Variants in IFT46 observed in about 807,000 individuals in gnomAD.
IFT46 encodes the protein intraflagellar transport 46, also known as intraflagellar transport protein 46 homolog.
A neutral mutation model predicts 39.6 loss-of-function variants in IFT46; 19 were observed. The observed-to-expected ratio is 0.48, with a 90% CI of 0.33 to 0.70. IFT46 has a LOEUF of 0.70. Among genes scored for constraint, IFT46 ranks in the 30% least tolerant of loss-of-function variants. IFT46 has a pLI of 0.01. For missense variants in IFT46, 334 were observed against 364.8 expected, an observed-to-expected ratio of 0.92 and a Z score of 0.69; for synonymous variants, 117 against 134.8, an observed-to-expected ratio of 0.87 and a Z score of 0.91.
chr11:118,572,256 T>C (rs1938353521), intron 1 of IFT46: 1 of 431,578 alleles, frequency 2.3e-6, no homozygotes, highest in Non-Finnish European at 4.1e-6. Flanking sequence ...AGATACGAGG[T>C]TCCACAGCTG....
intron 3 of IFT46, chr11:118,557,945 T>C: frequency 6.8e-7 from 1 of 1,464,108 alleles, no homozygotes; most frequent in Non-Finnish European, 9.2e-7. Flanking sequence ...ACTTGGTTTC[T>C]ATATACCGTA....
chr11:118,550,526 G>A (rs1555068141), intron 9 of IFT46, among the ~76,000 whole-genome samples: 1 of 150,660 alleles, frequency 6.6e-6, no homozygotes, highest in Non-Finnish European at 1.5e-5. Flanking sequence ...TCCTTATGCT[G>A]CCCACGCTGG....
intron 1 of IFT46, chr11:118,572,586 C>G (rs782311943): frequency 6.3e-7 from 1 of 1,597,268 alleles, no homozygotes. Context: ...TCCTGGGGTC[C>G]GAGCCTCACC....
upstream of IFT46, among the ~76,000 whole-genome samples, chr11:118,566,276 C>G (rs1938223720): frequency 6.6e-6 from 1 of 152,176 alleles, no homozygotes; most frequent in South Asian, 2.1e-4. Flanking sequence ...GGGGAAATTT[C>G]GCAGCACTCT....
At chr11:118,555,108 T>C in intron 5 of IFT46, 25 bp from the exon 6 acceptor site, 2 of 1,583,714 alleles carry the variant, frequency 1.3e-6, no homozygotes, top group Non-Finnish European at 1.7e-6. Flanking sequence ...CAAGGGAAGG[T>C]GGAGACAGTC....
chr11:118,560,629 CT>C (rs1938019839), intron 2 of IFT46: 1 of 470,106 alleles, frequency 2.1e-6, no homozygotes, highest in Non-Finnish European at 3.9e-6. Context: ...TTTTCACCCC[CT>C]AGCACTGCTG....
chr11:118,545,362 T>C lies in IFT46; in HGVS notation c.819+47A>G, dbSNP rs372115924. 47 of 1,347,512 alleles carry C rather than the reference T, an allele frequency of 3.5e-5. 1 individual carries two copies. Among genetic ancestry groups the C allele is most frequent in the South Asian group, 1.7e-4 (14 of 84,836 alleles). 83.5% of individuals were successfully genotyped at this position (1,347,512 alleles called of 1,614,324 possible). ...AGCAGGCTCAGAACAGTAGAAACTA[T>C]AGTGATCCTCTCTACAGCTTAAGTC... On this transcript the variant is annotated intron_variant, in intron 11 of 11. Transcript: ENST00000264021.
At chr11:118,554,793 C>T (rs1157588358) in intron 6 of IFT46, among the ~76,000 whole-genome samples, 197 bp downstream of exon 6, 1 of 152,032 alleles carries the variant, frequency 6.6e-6, no homozygotes, top group Non-Finnish European at 1.5e-5. Context: ...ACATGACAAA[C>T]TGTTAATGTG....
At chr11:118,550,531 C>T (rs190120197) in intron 9 of IFT46, among the ~76,000 whole-genome samples, 67 of 151,954 alleles carry the variant, frequency 4.4e-4, no homozygotes, top group Admixed American at 9.8e-4. Flanking sequence ...ATGCTGCCCA[C>T]GCTGGTCCTG....
Position 118,548,556 on chromosome 11 carries a change from G to C in IFT46, c.673-2703C>G, listed in dbSNP as rs527883974. Reference sequence around the variant, plus strand: ...ATTTTTGTATTTTTAGTAGAGATGGGGTTTCACCACGTTGGCCAGGATGGT... The same window carrying C: ...ATTTTTGTATTTTTAGTAGAGATGGCGTTTCACCACGTTGGCCAGGATGGT... On this transcript the variant is annotated intron_variant, in intron 9 of 11. Coordinates refer to ENST00000264021, the MANE Select transcript of IFT46 (RefSeq NM_001168618.2). Among the ~76,000 whole-genome samples, 229 of 150,982 alleles carry C rather than the reference G, an allele frequency of 1.5e-3. 2 individuals carry two copies. Among genetic ancestry groups the C allele is most frequent in the Admixed American group, 3.5e-3 (53 of 15,188 alleles).
chr11:118,566,868 T>C (rs750872148), upstream of IFT46, among the ~76,000 whole-genome samples: 89 of 152,098 alleles, frequency 5.9e-4, no homozygotes, highest in Non-Finnish European at 1.2e-3. Flanking sequence ...AATGAGTGAA[T>C]GGAGATGTAA....
At chr11:118,553,077 G>T (rs1937703164) in intron 7 of IFT46, among the ~76,000 whole-genome samples, 2 of 150,318 alleles carry the variant, frequency 1.3e-5, no homozygotes, top group South Asian at 4.2e-4. Flanking sequence ...GCGAGACCCT[G>T]TCTCAAAAAA....
At chr11:118,562,805 C>T (rs1938103344) in intron 2 of IFT46, among the ~76,000 whole-genome samples, 1 of 152,172 alleles carries the variant, frequency 6.6e-6, no homozygotes, top group Non-Finnish European at 1.5e-5. Flanking sequence ...GTGGCTCACG[C>T]CTGTAATCCC....
At position 118,544,911 on chromosome 11, in the gene IFT46, G is replaced by A; in HGVS notation, c.*5C>T. 1 of 1,600,696 alleles carries A rather than the reference G, an allele frequency of 6.2e-7. No homozygotes were observed. The highest frequency in any genetic ancestry group is 1.3e-5 in the African/African-American group (1 of 74,750). ...CAGCCTTGAAACAGCAGCTTGGGAAGTGTCTCAGCTGAAGGTTAATGTCTC... is the reference window on the plus strand; with the variant it reads ...CAGCCTTGAAACAGCAGCTTGGGAAATGTCTCAGCTGAAGGTTAATGTCTC... On this transcript the variant is annotated 3_prime_UTR_variant, in exon 12 of 12. Coordinates refer to ENST00000264021, the MANE Select transcript of IFT46 (RefSeq NM_001168618.2).
At chr11:118,554,805 A>G (rs1195855550) in intron 6 of IFT46, among the ~76,000 whole-genome samples, 185 bp downstream of exon 6, 1 of 152,218 alleles carries the variant, frequency 6.6e-6, no homozygotes, top group Non-Finnish European at 1.5e-5. Flanking sequence ...GTTAATGTGT[A>G]ATGAGATATT....
intron 9 of IFT46, chr11:118,547,139 C>T (rs1416213864): frequency 6.6e-6 from 1 of 152,206 alleles, no homozygotes; most frequent in African/African-American, 2.4e-5. Flanking sequence ...TCAACTACAG[C>T]TTCAAAATGC....
chr11:118,571,590 C>T (rs1469575847), intron 1 of IFT46, among the ~76,000 whole-genome samples: 2 of 152,212 alleles, frequency 1.3e-5, no homozygotes, highest in Non-Finnish European at 2.9e-5. Flanking sequence ...TGTGAAATGA[C>T]GTCTCACCAC....
chr11:118,565,697 T>C (rs985393315), intron 1 of IFT46, 93 bp downstream of exon 1: 5 of 152,580 alleles, frequency 3.3e-5, no homozygotes, highest in African/African-American at 7.2e-5. Flanking sequence ...ACCACGGAGA[T>C]TGGAAGAGGT....
At position 118,544,674 on chromosome 11, in the gene IFT46, T is replaced by G; in HGVS notation, c.*242A>C. On this transcript the variant is annotated 3_prime_UTR_variant, in exon 12 of 12. Transcript: ENST00000264021. ...ATGGGATCTCAGAAATTCCAATTCT[T>G]ATAACTCAAATCCCCACAGTGGTGT... 2.3e-6 allele frequency: 1 copy of G among 436,796 alleles called. No individual in the cohort carries two copies. Among genetic ancestry groups the G allele is most frequent in the Non-Finnish European group, 4.1e-6 (1 of 244,998 alleles). 27.1% of individuals were successfully genotyped at this position (436,796 alleles called of 1,614,324 possible).
Sources: gnomAD v4.1 joint callset for allele counts (sites outside exome capture counted in the v4.1 genomes callset) on GRCh38, gnomAD v4.1.1 for gene constraint, MANE v1.5 for transcripts, NCBI Gene and HGNC (gene_info 2026-07-23, HGNC 2026-07-21) for gene names.